The following SLC43A1 variants were observed in gnomAD, a reference collection of about 807,000 sequenced individuals.
SLC43A1 encodes solute carrier family 43 member 1, also known as large neutral amino acids transporter small subunit 3.
A neutral mutation model predicts 59.5 loss-of-function variants in SLC43A1; 31 were observed. That is an observed-to-expected ratio of 0.52 (90% CI 0.39 to 0.70). SLC43A1 has a LOEUF of 0.70. Ranked by LOEUF, SLC43A1 falls within the 30% of genes least tolerant of loss-of-function variation. SLC43A1 has a pLI of 0.00. For missense variants in SLC43A1, 598 were observed against 717.8 expected, an observed-to-expected ratio of 0.83 and a Z score of 1.91; for synonymous variants, 259 against 290.9, an observed-to-expected ratio of 0.89 and a Z score of 1.12.
intron 2 of SLC43A1, among the ~76,000 whole-genome samples, chr11:57,511,928 G>GT (rs1309131446): frequency 1.3e-5 from 2 of 152,126 alleles, no homozygotes; most frequent in Admixed American, 6.6e-5. Context: ...GGTGAGGCGA[G>GT]TGAGTACTGC....
chr11:57,497,391 C>T (rs1944118352), intron 6 of SLC43A1, among the ~76,000 whole-genome samples: 2 of 152,164 alleles, frequency 1.3e-5, no homozygotes, highest in Non-Finnish European at 2.9e-5. Context: ...AAAATGTGGC[C>T]CCAAAGGCTG....
At chr11:57,494,554 A>G (rs1228015175) in intron 7 of SLC43A1, 3 of 244,284 alleles carry the variant, frequency 1.2e-5, no homozygotes, top group African/African-American at 7.0e-5. Flanking sequence ...TTAATACCCA[A>G]TCTACATCAT....
intron 14 of SLC43A1, among the ~76,000 whole-genome samples, chr11:57,486,643 CA>C (rs745863972): frequency 0.069 from 9,272 of 134,194 alleles, 303 homozygotes; most frequent in Middle Eastern, 0.1. Flanking sequence ...ACTAAAAATC[CA>C]AAAAAAAAAA....
intron 2 of SLC43A1, among the ~76,000 whole-genome samples, chr11:57,507,985 T>C (rs939948761): frequency 6.6e-6 from 1 of 152,134 alleles, no homozygotes; most frequent in African/African-American, 2.4e-5. Flanking sequence ...GAAAATTAAG[T>C]GCCAGGCACG....
intron 2 of SLC43A1, among the ~76,000 whole-genome samples, chr11:57,506,709 T>TATTG (rs1422894789): frequency 1.3e-5 from 2 of 151,696 alleles, no homozygotes; most frequent in African/African-American, 4.9e-5. Flanking sequence ...CTCTGCCCTT[T>TATTG]ACTAGCTGTG....
chr11:57,487,171 A>T lies in SLC43A1; in HGVS notation c.1457T>A (p.Ile486Asn), dbSNP rs1285161494. Residue 486 changes from isoleucine (I) to asparagine (N), a missense_variant, in exon 14 of 15, where the codon ATC (isoleucine) becomes AAC (asparagine). By Grantham distance (149) the Ile-to-Asn change is moderately radical. Coordinates refer to ENST00000278426, the MANE Select transcript of SLC43A1 (RefSeq NM_003627.6). ...CTGAAGCAAGGCGAACACAGCACTG[A>T]TGAGGGACTGCAGGCCTGTCAGCGT... ...FGTLTGLQSLISAVFALLQQP... is the reference protein window; with the variant it reads ...FGTLTGLQSLNSAVFALLQQP... 3 of 1,613,936 alleles carry T rather than the reference A, an allele frequency of 1.9e-6. No homozygotes were observed. Among genetic ancestry groups the T allele is most frequent in the Non-Finnish European group, 2.5e-6 (3 of 1,179,962 alleles).
intron 14 of SLC43A1, among the ~76,000 whole-genome samples, chr11:57,485,960 G>A (rs906682402): frequency 1.3e-5 from 2 of 152,264 alleles, no homozygotes; most frequent in African/African-American, 4.8e-5. Context: ...CGTCAGGGAG[G>A]CAGATGAGTT....
chr11:57,509,594 AAAGGAAGGAAGG>A (rs1218558916), intron 2 of SLC43A1, among the ~76,000 whole-genome samples: 3,680 of 78,578 alleles, frequency 0.047, 85 homozygotes, highest in Admixed American at 0.057. Context: ...TCAGAAGGAC[AAAGGAAGGAAGG>A]AAGGAAGGAA....
intron 12 of SLC43A1, 68 bp from the exon 13 acceptor site, chr11:57,489,057 G>A (rs36069501): frequency 0.01 from 15,349 of 1,517,910 alleles, 113 homozygotes; most frequent in Non-Finnish European, 0.013. Context: ...GAGGGGTAGG[G>A]CGAAGAGGCC....
At chr11:57,499,216 C>G (rs1944179769) in intron 5 of SLC43A1, among the ~76,000 whole-genome samples, 1 of 151,368 alleles carries the variant, frequency 6.6e-6, no homozygotes, top group African/African-American at 2.4e-5. Context: ...CCCAGCTACT[C>G]GGGAGGCTGA....
intron 8 of SLC43A1, among the ~76,000 whole-genome samples, chr11:57,492,778 A>C (rs1943972480): frequency 6.8e-6 from 1 of 146,344 alleles, no homozygotes; most frequent in African/African-American, 2.5e-5. Context: ...ACGGTGGCTC[A>C]CACTTGTAAT....
At position 57,487,135 on chromosome 11, in the gene SLC43A1, A is replaced by T; in HGVS notation, c.1493T>A (p.Phe498Tyr). ...TTTCAGGGGTCCCACCATCGCCATG[A>T]AAAGTGGCTGCTGAAGCAAGGCGAA... ...AVFALLQQPL[F>Y]MAMVGPLKGE... The change falls in exon 14 of 15, where the codon TTC (phenylalanine) becomes TAC (tyrosine). Residue 498 changes from phenylalanine to tyrosine, a missense_variant. Coordinates refer to ENST00000278426, the MANE Select transcript of SLC43A1 (RefSeq NM_003627.6). 1 of 1,614,126 alleles carries T rather than the reference A, an allele frequency of 6.2e-7. No homozygotes were observed. The highest frequency in any genetic ancestry group is 8.5e-7 in the Non-Finnish European group (1 of 1,179,992).
chr11:57,493,269 C>G (rs976402158), intron 8 of SLC43A1, among the ~76,000 whole-genome samples: 3 of 152,172 alleles, frequency 2.0e-5, no homozygotes, highest in Non-Finnish European at 2.9e-5. Flanking sequence ...ATGTTGCCCT[C>G]TGAGAATCGG....
chr11:57,503,020 T>A (rs1251513072), intron 2 of SLC43A1, among the ~76,000 whole-genome samples: 1 of 151,980 alleles, frequency 6.6e-6, no homozygotes, highest in Non-Finnish European at 1.5e-5. Context: ...ACTTTACATA[T>A]CCAAAGGTCA....
At chr11:57,497,537 G>A (rs1428452990) in intron 6 of SLC43A1, among the ~76,000 whole-genome samples, 1 of 152,214 alleles carries the variant, frequency 6.6e-6, no homozygotes, top group Non-Finnish European at 1.5e-5. Context: ...TGGAAGTCAC[G>A]TGAGTGACAG....
At chr11:57,501,605 G>A (rs1293224250) in intron 2 of SLC43A1, among the ~76,000 whole-genome samples, 2 of 152,234 alleles carry the variant, frequency 1.3e-5, no homozygotes, top group Admixed American at 1.3e-4. Flanking sequence ...TATGCACTCA[G>A]TGTCCAAGCT....
In SLC43A1 at chr11:57,489,246, G is replaced by A. The variant is rs1303893303; in HGVS notation, c.1335+5C>T. The A allele has an allele frequency of 1.2e-6, 2 of 1,614,034 alleles. No individual in the cohort carries two copies. The highest frequency in any genetic ancestry group is 2.7e-5 in the African/African-American group (2 of 74,916). On this transcript the variant is annotated splice_donor_5th_base_variant and intron_variant, in intron 12 of 14. Transcript: ENST00000278426. ...CAGGGAGAGGGGAAGGATGAAGGTG[G>A]GTACCTGGAGGTGTAAGTTGTTGAT...
In SLC43A1 at chr11:57,514,315, C is replaced by T. The variant is rs1333920637; in HGVS notation, c.-13-191G>A. The T allele has an allele frequency of 3.0e-5, 18 of 607,610 alleles. No homozygotes were observed. The Middle Eastern group carries it at 2.3e-3, about 76-fold the overall frequency. 37.6% of individuals were successfully genotyped at this position (607,610 alleles called of 1,614,324 possible). A position where few individuals can be genotyped will look rare whatever the true frequency, so the allele number is the denominator to read the frequency against. Reference sequence around the variant, plus strand: ...GCGCACTAGCAGTGCCAGAGGTGCACGCGGCACGGGGCTCCCGCTGAGCCA... The same window carrying T: ...GCGCACTAGCAGTGCCAGAGGTGCATGCGGCACGGGGCTCCCGCTGAGCCA... On this transcript the variant is annotated intron_variant, in intron 1 of 14. Coordinates refer to ENST00000278426, the MANE Select transcript of SLC43A1 (RefSeq NM_003627.6). This position sits in a 1 kb window ranked among gnomAD's most constrained non-coding sequence, Gnocchi z 5.5.
chr11:57,514,076 GCGCCTCCGGTA>G lies in SLC43A1; in HGVS notation c.25_35del (p.Tyr9LeufsTer41). 2 of 1,604,334 alleles carry G rather than the reference GCGCCTCCGGTA, an allele frequency of 1.2e-6. No individual in the cohort carries two copies. Among genetic ancestry groups the G allele is most frequent in the Non-Finnish European group, 1.7e-6 (2 of 1,175,614 alleles). On this transcript the variant is annotated frameshift_variant, in exon 2 of 15. Coordinates refer to ENST00000278426, the MANE Select transcript of SLC43A1 (RefSeq NM_003627.6). LOFTEE classifies it high-confidence loss of function. The surrounding 1 kb of genome is among the most constrained non-coding windows in gnomAD (Gnocchi z 5.5). ...GCACAGCCGTGCAGGCCATCCACCA[GCGCCTCCGGTA>G]CGCCTGTTGCAGCGTGGGGGCCATG...
Sources: gnomAD v4.1 joint callset for allele counts (sites outside exome capture counted in the v4.1 genomes callset) on GRCh38, gnomAD v4.1.1 for gene constraint, Gnocchi (gnomAD v3.1) non-coding constraint, MANE v1.5 for transcripts, NCBI Gene and HGNC (gene_info 2026-07-23, HGNC 2026-07-21) for gene names.